The following RFFL variants were observed in gnomAD, a reference collection of about 807,000 sequenced individuals.
RFFL encodes ring finger and FYVE like domain containing E3 ubiquitin protein ligase.
A neutral mutation model predicts 40.4 loss-of-function variants in RFFL; 16 were observed. The ratio of observed to expected loss-of-function variants is 0.40; its 90% confidence interval spans 0.27 to 0.60. RFFL has a LOEUF of 0.60. Ranked by LOEUF, RFFL falls within the 20% of genes least tolerant of loss-of-function variation. The probability of loss-of-function intolerance (pLI) is 0.47; values close to 1 mark genes in which losing one functional copy is unlikely to be tolerated. For synonymous variants in RFFL, 154 were observed against 167.9 expected, an observed-to-expected ratio of 0.92 and a Z score of 0.64; for missense variants, 367 against 451.7, an observed-to-expected ratio of 0.81 and a Z score of 1.70.
chr17:35,078,309 AT>A (rs1392648257), intron 1 of RFFL, among the ~76,000 whole-genome samples: 1 of 152,068 alleles, frequency 6.6e-6, no homozygotes, highest in Non-Finnish European at 1.5e-5. Flanking sequence ...GATTTTTATT[AT>A]TTTTTTTCTG....
chr17:35,081,278 T>G (rs370437605), intron 1 of RFFL, among the ~76,000 whole-genome samples: 8 of 152,358 alleles, frequency 5.3e-5, no homozygotes, highest in African/African-American at 1.9e-4. Flanking sequence ...TAATTAAATG[T>G]AAAGTCTCCT....
chr17:35,023,489 G>A (rs1238405753), intron 2 of RFFL, among the ~76,000 whole-genome samples: 2 of 152,368 alleles, frequency 1.3e-5, no homozygotes, highest in East Asian at 3.9e-4. Flanking sequence ...AGGATGCATG[G>A]CTGCACTAGC....
rs552437624 is a variant in RFFL at position 35,051,450 on chromosome 17, A to G, written c.-9+12126T>C. 7.9e-5 allele frequency among the ~76,000 whole-genome samples: 12 copies of G among 152,308 alleles called. No homozygotes were observed. The South Asian group carries it at 1.7e-3, about 21-fold the overall frequency. ...ACCTTCAACAAGTAGGTAACCTTTC[A>G]TATCTGCTGCCAACTGGTTCACTAG... On this transcript the variant is annotated intron_variant, in intron 1 of 6. Transcript: ENST00000394597.
upstream of RFFL, chr17:35,063,838 A>C (rs571949976): frequency 6.6e-6 from 1 of 152,396 alleles, no homozygotes; most frequent in South Asian, 2.1e-4. Flanking sequence ...AACCAACCGC[A>C]GTCAACTGCA....
Position 35,009,844 on chromosome 17 carries a change from G to C in RFFL, c.*2124C>G, listed in dbSNP as rs1338492205. 2 of 152,648 alleles carry C rather than the reference G, an allele frequency of 1.3e-5. No homozygotes were observed. The highest frequency in any genetic ancestry group is 2.4e-5 in the African/African-American group (1 of 41,458). The allele number at this position is 152,648 out of a possible 1,614,324, so 9.5% of individuals were successfully genotyped here. A position where few individuals can be genotyped will look rare whatever the true frequency, so the allele number is the denominator to read the frequency against. ...GCCCTTAAGTTACTGCTAGATCTTAGCTGAATTGCACATACATAGACCTGT... is the reference window on the plus strand; with the variant it reads ...GCCCTTAAGTTACTGCTAGATCTTACCTGAATTGCACATACATAGACCTGT... On this transcript the variant is annotated 3_prime_UTR_variant, in exon 7 of 7. Coordinates refer to ENST00000394597, the MANE Select transcript of RFFL (RefSeq NM_001017368.2).
rs571795872 is a variant in RFFL at position 35,010,314 on chromosome 17, C to T, written c.*1654G>A. The stretch of plus-strand genomic sequence containing the variant: ...TTCATCCATTGGTAATGGGAAAACA[C>T]TCTGCTTTCCTGATCATGTGTTTTG... On this transcript the variant is annotated 3_prime_UTR_variant, in exon 7 of 7. Coordinates refer to ENST00000394597, the MANE Select transcript of RFFL (RefSeq NM_001017368.2). 6.6e-6 allele frequency: 1 copy of T among 152,318 alleles called. No homozygotes were observed. Among genetic ancestry groups the T allele is most frequent in the South Asian group, 2.1e-4 (1 of 4,824 alleles). 9.4% of individuals were successfully genotyped at this position (152,318 alleles called of 1,614,324 possible).
At chr17:35,020,493 G>A (rs6505438) in intron 3 of RFFL, among the ~76,000 whole-genome samples, 33,658 of 150,536 alleles carry the variant, frequency 0.22, 6,026 homozygotes, top group African/African-American at 0.5. Context: ...GATGATCTGG[G>A]TAGAATAGTT....
chr17:35,066,272 C>G (rs1188504982), upstream of RFFL, among the ~76,000 whole-genome samples: 1 of 152,134 alleles, frequency 6.6e-6, no homozygotes, highest in Non-Finnish European at 1.5e-5. Flanking sequence ...TTCATTTGAA[C>G]AGACATATGT....
chr17:35,059,171 AC>A (rs1221804318), intron 1 of RFFL, among the ~76,000 whole-genome samples: 1 of 151,890 alleles, frequency 6.6e-6, no homozygotes, highest in Non-Finnish European at 1.5e-5. Context: ...GGTGCCCACC[AC>A]CATACCCAGC....
In RFFL at chr17:35,011,693, C is replaced by G; in HGVS notation, c.*275G>C. 1 of 385,216 alleles carries G rather than the reference C, an allele frequency of 2.6e-6. No individual in the cohort carries two copies. The highest frequency in any genetic ancestry group is 4.8e-6 in the Non-Finnish European group (1 of 209,318). 23.9% of individuals were successfully genotyped at this position (385,216 alleles called of 1,614,324 possible). The stretch of plus-strand genomic sequence containing the variant: ...CAGGACCCAAGTTCTGGAAAGTTCT[C>G]TGTTCATCAGTTACCATCATCACTC... On this transcript the variant is annotated 3_prime_UTR_variant, in exon 7 of 7. Transcript: ENST00000394597.
At position 35,008,275 on chromosome 17, in the gene RFFL, G is replaced by A. The variant is rs550362946; in HGVS notation, c.*3693C>T. 4 of 152,178 alleles carry A rather than the reference G, an allele frequency of 2.6e-5. No homozygotes were observed. Among genetic ancestry groups the A allele is most frequent in the Non-Finnish European group, 5.9e-5 (4 of 68,056 alleles). 9.4% of individuals were successfully genotyped at this position (152,178 alleles called of 1,614,324 possible). ...CTACCCAGCTCTCATTCTCTTCTAG[G>A]TTGTTCCATGGCCTCTTCCATATAT... On this transcript the variant is annotated 3_prime_UTR_variant, in exon 7 of 7. Transcript: ENST00000394597.
upstream of RFFL, among the ~76,000 whole-genome samples, chr17:35,066,570 G>A (rs567071890): frequency 1.3e-5 from 2 of 152,124 alleles, no homozygotes; most frequent in African/African-American, 4.8e-5. Context: ...AATATGACTT[G>A]GTAGTTTAAA....
At chr17:35,047,666 C>A (rs1398439964) in intron 1 of RFFL, among the ~76,000 whole-genome samples, 1 of 151,996 alleles carries the variant, frequency 6.6e-6, no homozygotes, top group Non-Finnish European at 1.5e-5. Flanking sequence ...TCACTCACTG[C>A]AACTTCTGCC....
At chr17:35,056,762 A>G (rs187980466) in intron 1 of RFFL, among the ~76,000 whole-genome samples, 8 of 152,238 alleles carry the variant, frequency 5.3e-5, no homozygotes, top group African/African-American at 1.7e-4. Context: ...ATCCTTCTCA[A>G]GAAGGGAGAC....
At chr17:35,034,679 C>G (rs138752086) in intron 1 of RFFL, among the ~76,000 whole-genome samples, 2,217 of 152,074 alleles carry the variant, frequency 0.015, 42 homozygotes, top group Non-Finnish European at 0.019. Context: ...CAGGGAGTTA[C>G]CACACCCAGC....
intron 1 of RFFL, among the ~76,000 whole-genome samples, chr17:35,061,775 G>A (rs2091292708): frequency 6.6e-6 from 1 of 151,766 alleles, no homozygotes; most frequent in South Asian, 2.1e-4. Flanking sequence ...CCACCTCCTG[G>A]GTTCAAGTGA....
intron 1 of RFFL, among the ~76,000 whole-genome samples, chr17:35,062,929 C>G (rs1213748281): frequency 6.6e-6 from 1 of 152,122 alleles, no homozygotes; most frequent in Non-Finnish European, 1.5e-5. Flanking sequence ...ACTGATAAGA[C>G]AGTGTTCTCC....
At chr17:35,029,692 T>A (rs1452188696) in intron 1 of RFFL, among the ~76,000 whole-genome samples, 1 of 150,666 alleles carries the variant, frequency 6.6e-6, no homozygotes, top group Non-Finnish European at 1.5e-5. Flanking sequence ...TAATTTTTTA[T>A]TTTTTTTTAT....
chr17:35,075,596 T>C (rs1481430420), intron 1 of RFFL, among the ~76,000 whole-genome samples: 1 of 152,218 alleles, frequency 6.6e-6, no homozygotes, highest in Non-Finnish European at 1.5e-5. Flanking sequence ...TCAAACAGTT[T>C]CATTATTGTT....
Sources: gnomAD v4.1 joint callset for allele counts (sites outside exome capture counted in the v4.1 genomes callset) on GRCh38, gnomAD v4.1.1 for gene constraint, MANE v1.5 for transcripts, NCBI Gene and HGNC (gene_info 2026-07-23, HGNC 2026-07-21) for gene names.